CCDC144A: variants seen among roughly 807,000 people sequenced by gnomAD.
CCDC144A encodes the protein coiled-coil domain containing 144A.
A neutral mutation model predicts 143.8 loss-of-function variants in CCDC144A; 41 were observed. That is an observed-to-expected ratio of 0.29 (90% CI 0.22 to 0.37). CCDC144A has a LOEUF of 0.37. CCDC144A is among the 10% of genes least tolerant of loss of function. The pLI is 1.00. For missense variants in CCDC144A, 637 were observed against 1,488.8 expected, an observed-to-expected ratio of 0.43 and a Z score of 9.41; for synonymous variants, 242 against 517.9, an observed-to-expected ratio of 0.47 and a Z score of 7.23.
intron 9 of CCDC144A, among the ~76,000 whole-genome samples, chr17:16,729,228 T>G (rs1029102101): frequency 6.6e-6 from 1 of 152,246 alleles, no homozygotes; most frequent in East Asian, 1.9e-4. Flanking sequence ...CATTTCCTTT[T>G]CACCACATCT....
chr17:16,672,976 G>C, the CCDC144A span, among the ~76,000 whole-genome samples: 1 of 152,154 alleles, frequency 6.6e-6, no homozygotes, highest in Non-Finnish European at 1.5e-5. Context: ...TTGAAATTTA[G>C]TTCTCGAAGG....
chr17:16,756,127 G>A (rs1426016535), intron 12 of CCDC144A, among the ~76,000 whole-genome samples: 5 of 152,182 alleles, frequency 3.3e-5, no homozygotes, highest in Admixed American at 1.3e-4. Flanking sequence ...TGAGACATCT[G>A]TATCCAGATG....
intron 15 of CCDC144A, 95 bp from the exon 16 acceptor site, chr17:16,771,882 A>G: frequency 2.0e-6 from 2 of 1,006,008 alleles, no homozygotes; most frequent in Non-Finnish European, 1.5e-6. Flanking sequence ...CTAGTCTGTA[A>G]AAGTATTATT....
chr17:16,743,388 AG>A (rs1261913797), intron 12 of CCDC144A, among the ~76,000 whole-genome samples: 1 of 152,134 alleles, frequency 6.6e-6, no homozygotes, highest in Non-Finnish European at 1.5e-5. Flanking sequence ...GTTGAAAATC[AG>A]GTGTCTGTAA....
intron 12 of CCDC144A, among the ~76,000 whole-genome samples, chr17:16,744,509 T>A (rs541686563): frequency 6.6e-6 from 1 of 152,340 alleles, no homozygotes; most frequent in South Asian, 2.1e-4. Flanking sequence ...TATGTCTTTT[T>A]TGGAGAAGTG....
chr17:16,709,205 C>T lies in CCDC144A; in HGVS notation c.1148C>T (p.Ser383Phe), dbSNP rs1050201139. 6.2e-7 allele frequency: 1 copy of T among 1,611,642 alleles called. No homozygotes were observed. Residue 383 changes from serine to phenylalanine, a missense_variant, in exon 5 of 17, where the codon TCC becomes TTC. Physicochemically the swap from Ser to Phe is radical, Grantham distance 155. Coordinates refer to ENST00000399273, the MANE Select transcript of CCDC144A (RefSeq NM_001382000.1). ...IHPYYHPYSG[S>F]QEHVCQSSSK... Reference sequence around the variant, plus strand: ...CCATACTATCATCCATACTCTGGGTCCCAGGAACATGTTTGCCAGTCATCT... The same window carrying T: ...CCATACTATCATCCATACTCTGGGTTCCAGGAACATGTTTGCCAGTCATCT...
In CCDC144A at chr17:16,734,869, T is replaced by A. The variant is rs777973958; in HGVS notation, c.2598T>A (p.Ile866=). Residue 866 remains isoleucine (I), a synonymous_variant, in exon 12 of 17, where the codon ATT becomes ATA. Coordinates refer to ENST00000399273, the MANE Select transcript of CCDC144A (RefSeq NM_001382000.1). The part of the protein sequence containing the change: ...VKEKNDNLQK[I]IKLNEETLTE... ...AAAAGAATGATAACCTTCAAAAAAT[T>A]ATAAAACTAAATGAGGAAACATTAA... 1.9e-6 allele frequency: 3 copies of A among 1,566,854 alleles called. No individual in the cohort carries two copies. The highest frequency in any genetic ancestry group is 3.9e-5 in the Admixed American group (2 of 50,692).
intron 12 of CCDC144A, among the ~76,000 whole-genome samples, chr17:16,738,735 A>C (rs946298694): frequency 1.3e-5 from 2 of 152,104 alleles, no homozygotes; most frequent in Non-Finnish European, 2.9e-5. Context: ...GCTATTATTA[A>C]TCATGCTGCT....
chr17:16,703,380 A>G, intron 2 of CCDC144A, among the ~76,000 whole-genome samples: 1 of 152,164 alleles, frequency 6.6e-6, no homozygotes, highest in East Asian at 1.9e-4. Flanking sequence ...CTGGATCTCA[A>G]AGTCTCTTCA....
intron 12 of CCDC144A, among the ~76,000 whole-genome samples, chr17:16,752,547 A>G (rs1359283936): frequency 7.0e-6 from 1 of 142,220 alleles, no homozygotes; most frequent in Non-Finnish European, 1.5e-5. Flanking sequence ...GGGGGTATTG[A>G]GACCAGGTTC....
At chr17:16,696,610 G>A (rs1012265959) in intron 2 of CCDC144A, among the ~76,000 whole-genome samples, 17 of 149,248 alleles carry the variant, frequency 1.1e-4, no homozygotes, top group African/African-American at 2.5e-4. Flanking sequence ...CTCCGGCCTG[G>A]GTGACAGAGC....
chr17:16,716,645 A>G (rs1336693947), intron 6 of CCDC144A, among the ~76,000 whole-genome samples: 1 of 152,130 alleles, frequency 6.6e-6, no homozygotes, highest in African/African-American at 2.4e-5. Context: ...TTTCTTCCCG[A>G]GACATTTCCT....
intron 8 of CCDC144A, among the ~76,000 whole-genome samples, chr17:16,726,048 T>C (rs981352937): frequency 6.6e-6 from 1 of 152,172 alleles, no homozygotes; most frequent in Non-Finnish European, 1.5e-5. Context: ...TTCCTGACAT[T>C]GTAATTTGAA....
chr17:16,736,596 AG>A (rs1489646192), intron 12 of CCDC144A, among the ~76,000 whole-genome samples: 3 of 152,014 alleles, frequency 2.0e-5, no homozygotes, highest in Non-Finnish European at 4.4e-5. Context: ...GATAGTACAA[AG>A]GTAACTGTGG....
intron 12 of CCDC144A, among the ~76,000 whole-genome samples, chr17:16,756,798 A>G (rs1265150671): frequency 6.6e-6 from 1 of 151,732 alleles, no homozygotes; most frequent in Non-Finnish European, 1.5e-5. Context: ...AGATGTATCT[A>G]TGTTGTTGGT....
chr17:16,751,128 A>G lies in CCDC144A; in HGVS notation c.3373-10297A>G, dbSNP rs186583971. Among the ~76,000 whole-genome samples the G allele has an allele frequency of 4.7e-3, 715 of 152,284 alleles. 5 individuals are homozygous for G. Among genetic ancestry groups the G allele is most frequent in the African/African-American group, 0.016 (667 of 41,542 alleles). ...TTTGTTGAATTGCTAGAGTTCTTGT[A>G]CTGATTATTCCTCCTCTGAAAATGC... On this transcript the variant is annotated intron_variant, in intron 12 of 16. Coordinates refer to ENST00000399273, the MANE Select transcript of CCDC144A (RefSeq NM_001382000.1).
At chr17:16,710,902 C>A (rs1479900296) in intron 5 of CCDC144A, among the ~76,000 whole-genome samples, 1 of 150,302 alleles carries the variant, frequency 6.7e-6, no homozygotes, top group Admixed American at 6.6e-5. Context: ...TTGGATCAAT[C>A]ATTTTAATCT....
At chr17:16,731,069 T>A (rs1339179367) in intron 9 of CCDC144A, 1 of 151,916 alleles carries the variant, frequency 6.6e-6, no homozygotes, top group South Asian at 2.1e-4. Context: ...ATATCTCTCA[T>A]ATGCAGATAA....
At chr17:16,702,082 GT>G (rs1911766764) in intron 2 of CCDC144A, among the ~76,000 whole-genome samples, 1 of 152,100 alleles carries the variant, frequency 6.6e-6, no homozygotes, top group African/African-American at 2.4e-5. Flanking sequence ...TAAATGCTCT[GT>G]CATAGGAAAT....
Sources: gnomAD v4.1 joint callset for allele counts (sites outside exome capture counted in the v4.1 genomes callset) on GRCh38, gnomAD v4.1.1 for gene constraint, MANE v1.5 for transcripts, NCBI Gene and HGNC (gene_info 2026-07-23, HGNC 2026-07-21) for gene names.